Variants in PDE12 observed in about 807,000 individuals in gnomAD.
PDE12 encodes the protein phosphodiesterase 12.
A neutral mutation model predicts 45.4 loss-of-function variants in PDE12; 26 were observed. The ratio of observed to expected loss-of-function variants is 0.57; its 90% CI spans 0.42 to 0.79. The LOEUF is 0.79. Ranked by LOEUF, PDE12 falls within the 30% of genes least tolerant of loss-of-function variation. The pLI is 0.00. For synonymous variants in PDE12, 283 were observed against 323.9 expected (o/e 0.87, Z 1.36); for missense variants, 668 against 790.0 (o/e 0.85, Z 1.85).
the PDE12 span, among the ~76,000 whole-genome samples, chr3:57,574,209 G>A: frequency 6.6e-6 from 1 of 152,134 alleles, no homozygotes; most frequent in Non-Finnish European, 1.5e-5. Flanking sequence ...AAAGTGCTGG[G>A]ATTACAGGCG....
chr3:57,646,171 C>T, the PDE12 span: 1 of 1,168,024 alleles, frequency 8.6e-7, no homozygotes, highest in Non-Finnish European at 1.2e-6. Context: ...ATAAGCATTA[C>T]CTTCTGATAG....
the PDE12 span, among the ~76,000 whole-genome samples, chr3:57,574,922 C>T: frequency 6.6e-6 from 1 of 151,146 alleles, no homozygotes. Context: ...GATCGCGACT[C>T]ACCGCAACCT....
chr3:57,596,835 A>T, the PDE12 span: 1 of 517,578 alleles, frequency 1.9e-6, no homozygotes, highest in Non-Finnish European at 3.5e-6. Context: ...GAAAAAGCCG[A>T]GTCCAGAAAG....
chr3:57,570,954 C>T (rs536901275), downstream of PDE12, among the ~76,000 whole-genome samples: 3 of 152,006 alleles, frequency 2.0e-5, no homozygotes, highest in East Asian at 5.8e-4. Context: ...CTCCACATGC[C>T]GCCCCTCCCC....
the PDE12 span, among the ~76,000 whole-genome samples, chr3:57,574,118 T>C: frequency 7.2e-5 from 11 of 151,988 alleles, no homozygotes; most frequent in Non-Finnish European, 4.4e-5. Flanking sequence ...TTTTGTAGTT[T>C]TTAGTAGAGA....
At chr3:57,653,787 C>T in the PDE12 span, among the ~76,000 whole-genome samples, 1 of 146,332 alleles carries the variant, frequency 6.8e-6, no homozygotes, top group Non-Finnish European at 1.5e-5. Context: ...AAATTAACTG[C>T]AGTATAGGAT....
intron 1 of PDE12, among the ~76,000 whole-genome samples, chr3:57,558,700 C>T (rs2069693014): frequency 6.6e-6 from 1 of 151,062 alleles, no homozygotes; most frequent in African/African-American, 2.4e-5. Context: ...CCATGTTAGC[C>T]AGGATGGTCT....
At chr3:57,603,926 A>ATT in the PDE12 span, among the ~76,000 whole-genome samples, 7 of 125,526 alleles carry the variant, frequency 5.6e-5, no homozygotes, top group Non-Finnish European at 6.9e-5. Context: ...CCAGCCCAGA[A>ATT]TTTTTTTTTT....
chr3:57,579,978 A>G, the PDE12 span, among the ~76,000 whole-genome samples: 1 of 152,052 alleles, frequency 6.6e-6, no homozygotes, highest in Non-Finnish European at 1.5e-5. Flanking sequence ...GCACATGTCT[A>G]TAGTCCTAGC....
the PDE12 span, chr3:57,646,295 A>G: frequency 6.3e-7 from 1 of 1,590,104 alleles, no homozygotes; most frequent in East Asian, 2.2e-5. Flanking sequence ...AAACCCAGAA[A>G]TAGTAACCAA....
rs1409826413 is a variant in PDE12 at position 57,556,572 on chromosome 3, C to T, written c.193C>T (p.Arg65Cys). Residue 65 changes from arginine (R) to cysteine (C), a missense_variant, in exon 1 of 3, where the codon CGC (arginine) becomes TGC (cysteine). This residue lies in a region of PDE12 where 580 missense variants were observed against 662.9 expected (regional missense o/e 0.87). Coordinates refer to ENST00000311180, the MANE Select transcript of PDE12 (RefSeq NM_177966.7). The surrounding 1 kb of genome is among the most constrained non-coding windows in gnomAD (Gnocchi z 5.0). ...TGATGGTAGCCACAAGAACATGCAG[C>T]GCGACCAGAGCGAGCCGCTGGGTCG... ...LADGSHKNMQ[R>C]DQSEPLGRVL... 6.2e-7 allele frequency: 1 copy of T among 1,613,422 alleles called. No individual in the cohort carries two copies. Among genetic ancestry groups the T allele is most frequent in the Admixed American group, 1.7e-5 (1 of 60,028 alleles).
chr3:57,575,658 A>G, the PDE12 span: 1 of 1,609,504 alleles, frequency 6.2e-7, no homozygotes, highest in Admixed American at 1.7e-5. Context: ...GCATCTCTCA[A>G]TTCATCTACC....
In PDE12 at chr3:57,565,946, A is replaced by T. The variant is rs993394162; in HGVS notation, c.*5942A>T. The T allele has an allele frequency of 1.3e-5, 2 of 152,214 alleles. No homozygotes were observed. The highest frequency in any genetic ancestry group is 2.9e-5 in the Non-Finnish European group (2 of 68,032). The allele number at this position is 152,214 out of a possible 1,614,324, so 9.4% of individuals were successfully genotyped here. On this transcript the variant is annotated 3_prime_UTR_variant, in exon 3 of 3. Transcript: ENST00000311180. ...TGGCCTTCCTCAGAAAAGCTGGGCTATAGTGTTTTGGGTATCTTAAACCAA... is the reference window on the plus strand; with the variant it reads ...TGGCCTTCCTCAGAAAAGCTGGGCTTTAGTGTTTTGGGTATCTTAAACCAA...
chr3:57,627,971 T>C, the PDE12 span: 2 of 410,280 alleles, frequency 4.9e-6, no homozygotes, highest in East Asian at 4.5e-5. Flanking sequence ...TAGAACATGA[T>C]TAAAAATATA....
At chr3:57,654,665 G>T in the PDE12 span, 1 of 985,130 alleles carries the variant, frequency 1.0e-6, no homozygotes, top group South Asian at 4.7e-5. Context: ...AAAACAGAAT[G>T]AGGAAACTAT....
In PDE12 at chr3:57,556,766, A is replaced by G; in HGVS notation, c.387A>G (p.Glu129=). 6.2e-7 allele frequency: 1 copy of G among 1,607,844 alleles called. No individual in the cohort carries two copies. Among genetic ancestry groups the G allele is most frequent in the Non-Finnish European group, 8.5e-7 (1 of 1,175,488 alleles). The change falls in exon 1 of 3, where the codon GAA becomes GAG. Residue 129 remains glutamate (E), a synonymous_variant. Coordinates refer to ENST00000311180, the MANE Select transcript of PDE12 (RefSeq NM_177966.7). The surrounding 1 kb of genome is among the most constrained non-coding windows in gnomAD (Gnocchi z 5.0). ...CCGTGGTGAAGCTGTACTACCGGGAAGAGGCAGTGGCTGAGGACGTGCTCA... is the reference window on the plus strand; with the variant it reads ...CCGTGGTGAAGCTGTACTACCGGGAGGAGGCAGTGGCTGAGGACGTGCTCA... ...CEPVVKLYYR[E]EAVAEDVLNV...
At chr3:57,610,721 C>T in the PDE12 span, among the ~76,000 whole-genome samples, 4 of 151,964 alleles carry the variant, frequency 2.6e-5, no homozygotes, top group Non-Finnish European at 4.4e-5. Context: ...AACCACTGCT[C>T]GAGGAAATAA....
the PDE12 span, among the ~76,000 whole-genome samples, chr3:57,617,706 AT>A: frequency 6.6e-6 from 1 of 151,804 alleles, no homozygotes; most frequent in East Asian, 1.9e-4. Context: ...CTACAAAGAA[AT>A]TTTTTTTAAA....
chr3:57,621,301 A>C, the PDE12 span, among the ~76,000 whole-genome samples: 2 of 152,232 alleles, frequency 1.3e-5, no homozygotes. Context: ...AAAATCCTTA[A>C]ATCCATACTT....
Sources: gnomAD v4.1 joint callset for allele counts (sites outside exome capture counted in the v4.1 genomes callset) on GRCh38, gnomAD v4.1.1 for gene constraint, gnomAD v4.1.1 regional missense constraint, Gnocchi (gnomAD v3.1) non-coding constraint, MANE v1.5 for transcripts, NCBI Gene and HGNC (gene_info 2026-07-23, HGNC 2026-07-21) for gene names.